VAV1: variants seen among roughly 807,000 people sequenced by gnomAD.
VAV1 encodes proto-oncogene vav.
VAV1 carries 33 observed loss-of-function variants against 128.1 expected under a neutral mutation model. The ratio of observed to expected loss-of-function variants is 0.26; its 90% CI spans 0.20 to 0.34. The LOEUF (loss-of-function observed/expected upper bound fraction) is 0.34, where lower values mean the gene tolerates loss of function less well. Among genes scored for constraint, VAV1 ranks in the 10% least tolerant of loss-of-function variants. VAV1 has a pLI of 1.00. For missense variants in VAV1, 715 were observed against 1,093.7 expected (o/e 0.65, Z 4.88); for synonymous variants, 394 against 409.8 (o/e 0.96, Z 0.47).
Position 6,833,816 on chromosome 19 carries a change from G to A in VAV1, c.1731+83G>A, listed in dbSNP as rs1972152562. On this transcript the variant is annotated intron_variant, in intron 18 of 26. Coordinates refer to ENST00000602142, the MANE Select transcript of VAV1 (RefSeq NM_005428.4). ...AGGACCCAGGACATCCTGGAACTGG[G>A]CAGGATCCTTTGTGGGGTGAGGAGA... 1.7e-5 allele frequency: 27 copies of A among 1,613,132 alleles called. No individual in the cohort carries two copies. The South Asian group carries it at 2.6e-4, about 16-fold the overall frequency.
intron 1 of VAV1, among the ~76,000 whole-genome samples, chr19:6,780,027 C>T (rs1970731964): frequency 6.7e-6 from 1 of 148,468 alleles, no homozygotes; most frequent in Admixed American, 6.7e-5. Context: ...AGGAGAATGG[C>T]ATGAACCTGG....
intron 16 of VAV1, 26 bp from the exon 17 acceptor site, chr19:6,833,501 CT>C: frequency 2.5e-6 from 4 of 1,568,838 alleles, no homozygotes; most frequent in Non-Finnish European, 3.5e-6. Context: ...GTCACTCGCT[CT>C]TCTTTATGTG....
At chr19:6,778,508 T>C (rs1438503380) in intron 1 of VAV1, among the ~76,000 whole-genome samples, 1 of 152,152 alleles carries the variant, frequency 6.6e-6, no homozygotes, top group Non-Finnish European at 1.5e-5. Context: ...GTTCAAATTC[T>C]GGTACCACCA....
At chr19:6,841,898 T>C (rs1349141347) in intron 21 of VAV1, among the ~76,000 whole-genome samples, 8 of 152,180 alleles carry the variant, frequency 5.3e-5, no homozygotes, top group African/African-American at 1.9e-4. Flanking sequence ...TTTTGCCTTA[T>C]AGTAGCTGTC....
intron 1 of VAV1, among the ~76,000 whole-genome samples, chr19:6,791,646 A>C (rs1024707774): frequency 1.3e-5 from 2 of 152,216 alleles, no homozygotes; most frequent in Non-Finnish European, 2.9e-5. Context: ...GCTTCCAGGG[A>C]TTTGACCTGG....
rs895330017 is a variant in VAV1, at chr19:6,827,365, T to G, written c.927+654T>G. ...TCACCACAGCCTCGACCTCCTGGAC[T>G]CAAGCAATCCTCCCAACTCCTACCT... is the stretch of plus-strand genomic sequence containing the variant. On this transcript the variant is annotated intron_variant, in intron 9 of 26. Coordinates refer to ENST00000602142, the MANE Select transcript of VAV1 (RefSeq NM_005428.4). 1.2e-4 allele frequency among the ~76,000 whole-genome samples: 19 copies of G among 152,136 alleles called. 1 individual carries two copies. Among genetic ancestry groups the G allele is most frequent in the African/African-American group, 4.3e-4 (18 of 41,412 alleles).
chr19:6,827,789 G>A (rs952525810), intron 9 of VAV1, among the ~76,000 whole-genome samples: 1 of 149,534 alleles, frequency 6.7e-6, no homozygotes, highest in African/African-American at 2.5e-5. Flanking sequence ...TAGCAGAGAC[G>A]GGGTTTCCCC....
At chr19:6,845,041 T>A (rs1343845078) in intron 22 of VAV1, among the ~76,000 whole-genome samples, 1 of 152,014 alleles carries the variant, frequency 6.6e-6, no homozygotes, top group East Asian at 1.9e-4. Context: ...TAAAAAAAGA[T>A]GTTAAACACC....
At chr19:6,788,350 TTTATTATTATTATTA>T (rs148778427) in intron 1 of VAV1, among the ~76,000 whole-genome samples, 81 of 141,976 alleles carry the variant, frequency 5.7e-4, no homozygotes, top group African/African-American at 1.7e-3. Context: ...TTCTTTTTAT[TTTATTATTATTATTA>T]TTATTATTAT....
intron 1 of VAV1, among the ~76,000 whole-genome samples, chr19:6,804,849 A>G (rs576559059): frequency 4.7e-5 from 7 of 147,898 alleles, no homozygotes; most frequent in South Asian, 4.3e-4. Flanking sequence ...TCAGCCTCCC[A>G]AGTAGCTGGG....
At chr19:6,842,653 G>A (rs998742506) in intron 21 of VAV1, among the ~76,000 whole-genome samples, 7 of 151,914 alleles carry the variant, frequency 4.6e-5, no homozygotes, top group African/African-American at 1.5e-4. Context: ...ACCATCCCCC[G>A]CCCGATCTTG....
intron 1 of VAV1, among the ~76,000 whole-genome samples, chr19:6,805,150 C>T (rs910683432): frequency 2.0e-5 from 3 of 151,858 alleles, no homozygotes; most frequent in East Asian, 1.9e-4. Context: ...TAAGGCCGGG[C>T]GCAGCGGTTC....
intron 14 of VAV1, 40 bp from the exon 15 acceptor site, chr19:6,832,051 C>T (rs746069093): frequency 2.9e-5 from 47 of 1,594,838 alleles, no homozygotes; most frequent in Middle Eastern, 1.8e-4. Flanking sequence ...CCACCCTCTG[C>T]GGGGGCAGTG....
chr19:6,833,402 C>A, intron 16 of VAV1, 117 bp downstream of exon 16: 2 of 1,368,598 alleles, frequency 1.5e-6, no homozygotes, highest in Non-Finnish European at 2.0e-6. Flanking sequence ...CTACTTTGAT[C>A]TTCTGCTTCT....
chr19:6,816,086 C>A (rs1163595547), intron 1 of VAV1, among the ~76,000 whole-genome samples: 1 of 146,622 alleles, frequency 6.8e-6, no homozygotes, highest in Non-Finnish European at 1.5e-5. Flanking sequence ...GTGGCGCAAT[C>A]TCGGCTCACT....
chr19:6,814,945 AT>A (rs1026506945), intron 1 of VAV1, among the ~76,000 whole-genome samples: 71 of 151,236 alleles, frequency 4.7e-4, no homozygotes, highest in African/African-American at 1.3e-3. Flanking sequence ...TTGCCAAGAG[AT>A]TTTTTTCCCC....
chr19:6,821,408 A>G (rs568025105), intron 2 of VAV1, among the ~76,000 whole-genome samples: 2 of 152,236 alleles, frequency 1.3e-5, no homozygotes, highest in East Asian at 3.9e-4. Flanking sequence ...TAAAAAAAAT[A>G]CTAAAATATA....
intron 22 of VAV1, among the ~76,000 whole-genome samples, chr19:6,844,594 C>T (rs1461936081): frequency 6.6e-6 from 1 of 152,112 alleles, no homozygotes. Context: ...GCATCTGTGG[C>T]GTCTCCCTCT....
Position 6,833,617 on chromosome 19 carries a change from A to G in VAV1, c.1700A>G (p.His567Arg), listed in dbSNP as rs1280760668. Residue 567 changes from histidine (H) to arginine (R), a missense_variant, in exon 17 of 27, where the codon CAT becomes CGT. Around this residue, in one of 3 missense-constraint regions of VAV1, gnomAD observed 407 missense variants for 580.6 expected, o/e 0.70. Coordinates refer to ENST00000602142, the MANE Select transcript of VAV1 (RefSeq NM_005428.4). ...GGGAGGGTCCCTCCATGTGGCCGAC[A>G]TGGGCAAGGTACGAGTGGGAGGGAG... ...CLGRVPPCGR[H>R]GQDFPGTMKK... 1.2e-6 allele frequency: 2 copies of G among 1,613,824 alleles called. No individual in the cohort carries two copies. Among genetic ancestry groups the G allele is most frequent in the Non-Finnish European group, 1.7e-6 (2 of 1,179,878 alleles).
Sources: allele counts gnomAD v4.1 joint callset (sites outside exome capture counted in the v4.1 genomes callset), GRCh38; gene constraint gnomAD v4.1.1; regional missense constraint gnomAD v4.1.1; transcripts MANE v1.5; gene names NCBI Gene and HGNC (gene_info 2026-07-23, HGNC 2026-07-21).